SLC8A3: variants seen among roughly 807,000 people sequenced by gnomAD.
SLC8A3 encodes sodium/calcium exchanger 3.
Under a neutral mutation model 65.4 loss-of-function variants are expected in SLC8A3, and 37 were observed. The ratio of observed to expected loss-of-function variants is 0.57; its 90% CI spans 0.44 to 0.74. The LOEUF is 0.74. Ranked by LOEUF, SLC8A3 falls within the 30% of genes least tolerant of loss-of-function variation. The pLI is 0.00. For synonymous variants in SLC8A3, 461 were observed against 444.5 expected, an observed-to-expected ratio of 1.04 and a Z score of -0.47; for missense variants, 1,112 against 1,172.1, an observed-to-expected ratio of 0.95 and a Z score of 0.75.
intron 2 of SLC8A3, among the ~76,000 whole-genome samples, chr14:70,120,250 G>T (rs55695995): frequency 6.6e-6 from 1 of 152,048 alleles, no homozygotes; most frequent in Non-Finnish European, 1.5e-5. Context: ...TGCAGCTAGC[G>T]TGAAATACCA....
At chr14:70,182,681 G>A (rs1430665523) in intron 1 of SLC8A3, among the ~76,000 whole-genome samples, 1 of 152,168 alleles carries the variant, frequency 6.6e-6, no homozygotes, top group African/African-American at 2.4e-5. Context: ...GTGAGTGGAT[G>A]AGTGATGAGA....
At chr14:70,172,194 A>G (rs1594804030) in intron 1 of SLC8A3, among the ~76,000 whole-genome samples, 2 of 152,178 alleles carry the variant, frequency 1.3e-5, no homozygotes, top group East Asian at 3.8e-4. Context: ...CATTAATAAC[A>G]GTAATTCGCA....
chr14:70,153,230 T>C (rs1896378750), intron 2 of SLC8A3, among the ~76,000 whole-genome samples: 1 of 152,068 alleles, frequency 6.6e-6, no homozygotes, highest in African/African-American at 2.4e-5. Flanking sequence ...CACTCATTCA[T>C]TCATTCATTC....
chr14:70,167,145 T>A lies in SLC8A3; in HGVS notation c.1278A>T (p.Ser426=). Residue 426 remains serine (S), a synonymous_variant, in exon 2 of 7, where the codon TCA becomes TCT. Transcript: ENST00000356921. The part of the protein sequence containing the change: ...LTVVRKGGDM[S]KTMYVDYKTE... The stretch of plus-strand genomic sequence containing the variant: ...TTTTGTAGTCCACATACATGGTCTT[T>A]GACATGTCTCCCCCTTTCCTCACCA... 6.2e-7 allele frequency: 1 copy of A among 1,614,154 alleles called. No homozygotes were observed. Among genetic ancestry groups the A allele is most frequent in the Non-Finnish European group, 8.5e-7 (1 of 1,180,004 alleles).
rs759849500 is a variant in SLC8A3 at position 70,167,125 on chromosome 14, T to C, written c.1298A>G (p.Tyr433Cys). 5 of 1,614,068 alleles carry C rather than the reference T, an allele frequency of 3.1e-6. No individual in the cohort carries two copies. The highest frequency in any genetic ancestry group is 4.2e-6 in the Non-Finnish European group (5 of 1,180,026). ...ATTGGCAGAACCATCCTCTGTTTTG[T>C]AGTCCACATACATGGTCTTTGACAT... is the stretch of plus-strand genomic sequence containing the variant. The part of the protein sequence containing the change: ...GDMSKTMYVD[Y>C]KTEDGSANAG... The change falls in exon 2 of 7, where the codon TAC (tyrosine) becomes TGC (cysteine). Residue 433 changes from tyrosine (Y) to cysteine (C), a missense_variant. Tyr to Cys is a radical substitution (Grantham distance 194, BLOSUM62 -2). Coordinates refer to ENST00000356921, the MANE Select transcript of SLC8A3 (RefSeq NM_182932.3).
chr14:70,070,494 A>G (rs1594932216), intron 2 of SLC8A3, among the ~76,000 whole-genome samples: 1 of 152,304 alleles, frequency 6.6e-6, no homozygotes, highest in East Asian at 1.9e-4. Context: ...TGTGGCTCTA[A>G]AGATTTTGCA....
At chr14:70,101,190 T>C (rs1274760178) in intron 2 of SLC8A3, among the ~76,000 whole-genome samples, 1 of 152,120 alleles carries the variant, frequency 6.6e-6, no homozygotes, top group African/African-American at 2.4e-5. Context: ...CAGACAGACA[T>C]AAAATAAACA....
rs780350558 is a variant in SLC8A3, at chr14:70,086,986, C to T, written c.1785-26047G>A. On this transcript the variant is annotated intron_variant, in intron 2 of 6. Coordinates refer to ENST00000356921, the MANE Select transcript of SLC8A3 (RefSeq NM_182932.3). ...GATGGGGCTGTCAGTAGAGGAGCCC[C>T]GTGAAGTTCCAAAGGCCCTGATCGA... is the stretch of plus-strand genomic sequence containing the variant. Among the ~76,000 whole-genome samples, 6 of 152,166 alleles carry T rather than the reference C, an allele frequency of 3.9e-5. No individual in the cohort carries two copies. In the East Asian group the frequency reaches 7.7e-4, roughly 20 times the overall value.
intron 1 of SLC8A3, among the ~76,000 whole-genome samples, chr14:70,187,600 TGTG>T (rs1314157828): frequency 2.4e-4 from 2 of 8,376 alleles, no homozygotes; most frequent in African/African-American, 4.5e-4. Flanking sequence ...GGGCTTTGAC[TGTG>T]TGTGTGTGTG....
chr14:70,169,042 C>T (rs1264070758), intron 1 of SLC8A3, among the ~76,000 whole-genome samples: 1 of 152,200 alleles, frequency 6.6e-6, no homozygotes, highest in Admixed American at 6.5e-5. Context: ...CTGTCCACCC[C>T]AGGACCTTTG....
chr14:70,046,537 T>A lies in SLC8A3; in HGVS notation c.2390-214A>T. ...CCTAGTCTGGGCTTCCCATTCCTCA[T>A]CTGCAGTGATCTGAAAGATTCTGAA... On this transcript the variant is annotated intron_variant, in intron 6 of 6. Coordinates refer to ENST00000356921, the MANE Select transcript of SLC8A3 (RefSeq NM_182932.3). This position sits in a 1 kb window ranked among gnomAD's most constrained non-coding sequence, Gnocchi z 4.2. The A allele has an allele frequency of 1.9e-6, 1 of 514,700 alleles. No homozygotes were observed. The highest frequency in any genetic ancestry group is 3.2e-5 in the Admixed American group (1 of 30,770). 31.9% of individuals were successfully genotyped at this position (514,700 alleles called of 1,614,324 possible).
chr14:70,155,929 G>A (rs894603091), intron 2 of SLC8A3, among the ~76,000 whole-genome samples: 2 of 152,180 alleles, frequency 1.3e-5, no homozygotes, highest in Admixed American at 6.5e-5. Flanking sequence ...AGTCCACACA[G>A]GTTAATTAAA....
At chr14:70,092,771 T>C (rs1891894508) in intron 2 of SLC8A3, among the ~76,000 whole-genome samples, 1 of 152,146 alleles carries the variant, frequency 6.6e-6, no homozygotes. Context: ...AAAGAAAGAA[T>C]TCTGGAGACA....
At chr14:70,049,111 C>T (rs758441549) in intron 5 of SLC8A3, 69 bp from the exon 6 acceptor site, 2 of 1,464,102 alleles carry the variant, frequency 1.4e-6, no homozygotes, top group Non-Finnish European at 1.9e-6. Flanking sequence ...GAAAGTCAAG[C>T]CCAACCCGCA....
At chr14:70,150,632 T>A (rs1242922460) in intron 2 of SLC8A3, among the ~76,000 whole-genome samples, 5 of 152,228 alleles carry the variant, frequency 3.3e-5, no homozygotes, top group Non-Finnish European at 7.4e-5. Flanking sequence ...TGGCTGCCCT[T>A]AGGTTGGCCT....
At chr14:70,082,286 G>A (rs1006126216) in intron 2 of SLC8A3, among the ~76,000 whole-genome samples, 1 of 151,974 alleles carries the variant, frequency 6.6e-6, no homozygotes, top group African/African-American at 2.4e-5. Context: ...TAATTTCTTG[G>A]GGGGGTGACC....
At position 70,104,189 on chromosome 14, in the gene SLC8A3, G is replaced by T. The variant is rs567867833; in HGVS notation, c.1785-43250C>A. On this transcript the variant is annotated intron_variant, in intron 2 of 6. Coordinates refer to ENST00000356921, the MANE Select transcript of SLC8A3 (RefSeq NM_182932.3). ...GCCAATTCCACAATCATAGCTGTAG[G>T]TTGTTAACATCCTTGTCATAGTAAT... Among the ~76,000 whole-genome samples the T allele has an allele frequency of 3.9e-5, 6 of 152,102 alleles. No homozygotes were observed. In the South Asian group the frequency reaches 8.3e-4, roughly 21 times the overall value.
intron 2 of SLC8A3, among the ~76,000 whole-genome samples, chr14:70,085,347 T>C (rs977805970): frequency 6.6e-6 from 1 of 152,314 alleles, no homozygotes; most frequent in East Asian, 1.9e-4. Flanking sequence ...ACAATCAGAT[T>C]ATGATTTCTT....
At chr14:70,060,761 TTTG>T in intron 3 of SLC8A3, 72 bp downstream of exon 3, 2 of 874,884 alleles carry the variant, frequency 2.3e-6, no homozygotes, top group South Asian at 1.4e-5. Context: ...CTTTTTCTTT[TTTG>T]TTGTTGTTTT....
Sources: gnomAD v4.1 joint callset for allele counts (sites outside exome capture counted in the v4.1 genomes callset) on GRCh38, gnomAD v4.1.1 for gene constraint, Gnocchi (gnomAD v3.1) non-coding constraint, MANE v1.5 for transcripts, NCBI Gene and HGNC (gene_info 2026-07-23, HGNC 2026-07-21) for gene names.